The following ALG14 variants were observed in gnomAD, a reference collection of about 807,000 sequenced individuals.
ALG14 encodes the protein UDP-N-acetylglucosamine transferase subunit ALG14.
ALG14 carries 17 observed loss-of-function variants against 22.8 expected under a neutral mutation model. That is an observed-to-expected ratio of 0.75 (90% CI 0.51 to 1.12). The LOEUF is 1.12. Ranked by LOEUF, ALG14 falls within the 50% of genes most tolerant of loss-of-function variation. The pLI is 0.00. For synonymous variants in ALG14, 89 were observed against 103.7 expected, an observed-to-expected ratio of 0.86 and a Z score of 0.86; for missense variants, 288 against 271.8, an observed-to-expected ratio of 1.06 and a Z score of -0.42.
intron 2 of ALG14, among the ~76,000 whole-genome samples, chr1:95,037,493 G>A (rs373108573): frequency 6.6e-6 from 1 of 152,200 alleles, no homozygotes; most frequent in Admixed American, 6.5e-5. Flanking sequence ...CCTAATGAGA[G>A]AGCTTGGAGC....
chr1:95,061,366 C>A (rs1557655277), intron 2 of ALG14, among the ~76,000 whole-genome samples: 1 of 152,106 alleles, frequency 6.6e-6, no homozygotes, highest in Non-Finnish European at 1.5e-5. Flanking sequence ...TGAATGATAG[C>A]AAGCAGATTT....
intron 1 of ALG14, among the ~76,000 whole-genome samples, chr1:95,072,166 TTGTGTCTGTG>T (rs996543039): frequency 2.6e-5 from 4 of 152,234 alleles, no homozygotes; most frequent in Admixed American, 6.5e-5. Flanking sequence ...AATGTTTACA[TTGTGTCTGTG>T]TGTGTCTGTC....
chr1:95,017,230 T>A (rs1456483303), intron 3 of ALG14, among the ~76,000 whole-genome samples: 1 of 152,084 alleles, frequency 6.6e-6, no homozygotes, highest in Non-Finnish European at 1.5e-5. Context: ...CACATCTGAA[T>A]AAAGTCCATC....
At chr1:95,024,263 G>C (rs71652601) in intron 3 of ALG14, among the ~76,000 whole-genome samples, 42,542 of 151,942 alleles carry the variant, frequency 0.28, 6,569 homozygotes, top group African/African-American at 0.42. Flanking sequence ...AGGCATGAGC[G>C]ACCGCGCCCG....
intron 2 of ALG14, among the ~76,000 whole-genome samples, chr1:95,033,032 A>T (rs1674061156): frequency 6.6e-6 from 1 of 152,162 alleles, no homozygotes; most frequent in Non-Finnish European, 1.5e-5. Context: ...GCCTGCTATG[A>T]CCTTTGGCCA....
intron 2 of ALG14, 59 bp from the exon 3 acceptor site, chr1:95,027,319 A>G (rs1673852518): frequency 8.2e-6 from 13 of 1,576,642 alleles, no homozygotes; most frequent in Non-Finnish European, 1.1e-5. Context: ...AGTTAAACAT[A>G]GTAACAATTA....
intron 3 of ALG14, among the ~76,000 whole-genome samples, chr1:95,022,008 C>T (rs1557957626): frequency 6.6e-6 from 1 of 152,166 alleles, no homozygotes; most frequent in Non-Finnish European, 1.5e-5. Context: ...GGAACAGTGA[C>T]AACTCAAGAG....
Position 95,035,502 on chromosome 1 carries a change from T to C in ALG14, c.289-8242A>G, listed in dbSNP as rs190167594. ...CTTGACTGATGTATAATCAAATATA[T>C]GGTGGCAAGAGAGACAAGAAAAGTA... On this transcript the variant is annotated intron_variant, in intron 2 of 3. Transcript: ENST00000370205. Among the ~76,000 whole-genome samples, 7 of 152,264 alleles carry C rather than the reference T, an allele frequency of 4.6e-5. No homozygotes were observed. In the East Asian group the frequency reaches 7.7e-4, roughly 17 times the overall value.
rs186242773 is a variant in ALG14 at position 95,002,388 on chromosome 1, G to C, written c.421-19082C>G. Among the ~76,000 whole-genome samples, 228 of 152,222 alleles carry C rather than the reference G, an allele frequency of 1.5e-3. 1 individual carries two copies. Among genetic ancestry groups the C allele is most frequent in the African/African-American group, 5.4e-3 (224 of 41,532 alleles). On this transcript the variant is annotated intron_variant, in intron 3 of 3. Transcript: ENST00000370205. ...GGTGGGGCAAGGGACTGAGGACCAG[G>C]GGAAGGAGGCTGAGCGGGTTGGGGA...
rs555813908 is a variant in ALG14 at position 95,013,946 on chromosome 1, C to T, written c.420+13183G>A. The stretch of plus-strand genomic sequence containing the variant: ...TTTTTTCTTAAAAAAAAAAAAAAAC[C>T]CTTCCAGCATTTCCAAATTTATGAT... On this transcript the variant is annotated intron_variant, in intron 3 of 3. Transcript: ENST00000370205. Among the ~76,000 whole-genome samples the T allele has an allele frequency of 3.2e-3, 481 of 150,654 alleles. 1 individual carries two copies. Among genetic ancestry groups the T allele is most frequent in the African/African-American group, 0.011 (464 of 41,016 alleles).
intron 3 of ALG14, among the ~76,000 whole-genome samples, chr1:94,987,434 T>C (rs1156733386): frequency 6.6e-6 from 1 of 152,130 alleles, no homozygotes; most frequent in Non-Finnish European, 1.5e-5. Flanking sequence ...ATAAATAAAC[T>C]TCTCTAAAAG....
At chr1:95,068,427 C>T (rs1675450122) in intron 1 of ALG14, among the ~76,000 whole-genome samples, 1 of 152,104 alleles carries the variant, frequency 6.6e-6, no homozygotes, top group Non-Finnish European at 1.5e-5. Flanking sequence ...GCTGGGATTA[C>T]AGGCACCTGC....
At chr1:95,003,725 G>A (rs1281760498) in intron 3 of ALG14, among the ~76,000 whole-genome samples, 2 of 152,118 alleles carry the variant, frequency 1.3e-5, no homozygotes, top group Admixed American at 6.5e-5. Flanking sequence ...CCCTCAAAGT[G>A]TTGGGATTAT....
chr1:95,022,018 G>A (rs1425805564), intron 3 of ALG14, among the ~76,000 whole-genome samples: 4 of 152,198 alleles, frequency 2.6e-5, no homozygotes, highest in East Asian at 1.9e-4. Flanking sequence ...CAACTCAAGA[G>A]TGATGCAGGC....
At chr1:95,043,248 T>C (rs1001498396) in intron 2 of ALG14, among the ~76,000 whole-genome samples, 2 of 152,186 alleles carry the variant, frequency 1.3e-5, no homozygotes, top group Non-Finnish European at 2.9e-5. Context: ...TAGATGTTGA[T>C]TCAACTACTG....
intron 2 of ALG14, among the ~76,000 whole-genome samples, chr1:95,053,643 C>T (rs1437544665): frequency 6.6e-6 from 1 of 152,066 alleles, no homozygotes; most frequent in East Asian, 1.9e-4. Context: ...TCACTGTAAC[C>T]TCAAACTCCT....
At chr1:94,991,410 T>C (rs1457869467) in intron 3 of ALG14, among the ~76,000 whole-genome samples, 1 of 152,216 alleles carries the variant, frequency 6.6e-6, no homozygotes, top group Non-Finnish European at 1.5e-5. Flanking sequence ...ACCACAAACC[T>C]GCACAGCATG....
At chr1:94,994,726 G>T (rs561022010) in intron 3 of ALG14, among the ~76,000 whole-genome samples, 2 of 152,280 alleles carry the variant, frequency 1.3e-5, no homozygotes, top group Non-Finnish European at 2.9e-5. Context: ...TGCCAACTAG[G>T]TCCAGCTTTT....
At chr1:95,048,539 C>T (rs998438859) in intron 2 of ALG14, among the ~76,000 whole-genome samples, 2 of 152,114 alleles carry the variant, frequency 1.3e-5, no homozygotes, top group African/African-American at 2.4e-5. Context: ...TCCTTCCACG[C>T]CTTGGAGGGG....
Sources: gnomAD v4.1 joint callset for allele counts (sites outside exome capture counted in the v4.1 genomes callset) on GRCh38, gnomAD v4.1.1 for gene constraint, MANE v1.5 for transcripts, NCBI Gene and HGNC (gene_info 2026-07-23, HGNC 2026-07-21) for gene names.